Variants in PLOD2 observed in about 807,000 individuals in gnomAD.
PLOD2 encodes the protein lysine hydroxylase 2.
A neutral mutation model predicts 101.0 loss-of-function variants in PLOD2; 65 were observed. The ratio of observed to expected loss-of-function variants is 0.64; its 90% CI spans 0.53 to 0.79. PLOD2 has a LOEUF of 0.79. PLOD2 is among the 30% of genes least tolerant of loss of function. PLOD2 has a pLI of 0.00. For missense variants in PLOD2, 909 were observed against 914.6 expected (o/e 0.99, Z 0.08); for synonymous variants, 314 against 302.9 (o/e 1.04, Z -0.38).
chr3:146,160,782 TACTC>T (rs1576637698), intron 1 of PLOD2, 95 bp downstream of exon 1: 2 of 768,920 alleles, frequency 2.6e-6, no homozygotes, highest in African/African-American at 3.4e-5. Context: ...AGGCCCCCAC[TACTC>T]ACCTGGCCAG....
chr3:146,106,696 TG>T (rs756222998), intron 4 of PLOD2, 52 bp from the exon 5 acceptor site: 1 of 867,234 alleles, frequency 1.2e-6, no homozygotes, highest in Non-Finnish European at 2.0e-6. Flanking sequence ...AGACCAAAAC[TG>T]GTGTCATGTT....
rs142831806 is a variant in PLOD2 at position 146,151,480 on chromosome 3, A to G, written c.109+9401T>C. On this transcript the variant is annotated intron_variant, in intron 1 of 19. Transcript: ENST00000282903. ...CCATTGCACTCCAGCCTGGACAAGAAGAACGAAACTCCGTTTCAAAAAAAA... is the reference window on the plus strand; with the variant it reads ...CCATTGCACTCCAGCCTGGACAAGAGGAACGAAACTCCGTTTCAAAAAAAA... 4.0e-3 allele frequency among the ~76,000 whole-genome samples: 612 copies of G among 152,118 alleles called. 3 individuals are homozygous for G. Among genetic ancestry groups the G allele is most frequent in the African/African-American group, 0.014 (574 of 41,536 alleles).
At chr3:146,118,218 A>AC (rs1938008442) in intron 3 of PLOD2, among the ~76,000 whole-genome samples, 2 of 152,140 alleles carry the variant, frequency 1.3e-5, no homozygotes, top group Non-Finnish European at 2.9e-5. Flanking sequence ...GTGTAAAAAA[A>AC]ATAACAAATG....
Position 146,088,649 on chromosome 3 carries a change from A to C in PLOD2, c.942T>G (p.Phe314Leu). The C allele has an allele frequency of 6.2e-7, 1 of 1,605,922 alleles. No homozygotes were observed. Among genetic ancestry groups the C allele is most frequent in the Non-Finnish European group, 8.5e-7 (1 of 1,172,992 alleles). Residue 314 changes from phenylalanine to leucine, a missense_variant, in exon 9 of 20, where the codon TTT becomes TTG. Coordinates refer to ENST00000282903, the MANE Select transcript of PLOD2 (RefSeq NM_182943.3). Reference protein sequence around the residue: ...IEQPTPFLPRFLDILLTLDYP... With the variant: ...IEQPTPFLPRLLDILLTLDYP... ...AATCCAGTGTCAACAATATGTCCAG[A>C]AACCGAGGTAGAAAAGGGGTTGGTT...
At position 146,076,755 on chromosome 3, in the gene PLOD2, T is replaced by C. The variant is rs543580697; in HGVS notation, c.1677+27A>G. 5 of 1,058,774 alleles carry C rather than the reference T, an allele frequency of 4.7e-6. No individual in the cohort carries two copies. The African/African-American group carries it at 7.9e-5, about 17-fold the overall frequency. The allele number at this position is 1,058,774 out of a possible 1,614,324, so 65.6% of individuals were successfully genotyped here. A position where few individuals can be genotyped will look rare whatever the true frequency, so the allele number is the denominator to read the frequency against. On this transcript the variant is annotated intron_variant, in intron 15 of 19. Coordinates refer to ENST00000282903, the MANE Select transcript of PLOD2 (RefSeq NM_182943.3). The stretch of plus-strand genomic sequence containing the variant: ...ATAACCACTTACAGTTATAGAAAAA[T>C]AATAAAGTTGAGTATGAAATACATA...
chr3:146,129,370 C>A (rs2030770592), intron 1 of PLOD2, among the ~76,000 whole-genome samples: 1 of 152,128 alleles, frequency 6.6e-6, no homozygotes, highest in Non-Finnish European at 1.5e-5. Context: ...GCAAAAACAG[C>A]CAAGGGCCAG....
At chr3:146,131,867 G>A (rs989894287) in intron 1 of PLOD2, among the ~76,000 whole-genome samples, 4 of 151,400 alleles carry the variant, frequency 2.6e-5, no homozygotes, top group Non-Finnish European at 5.9e-5. Flanking sequence ...TTATTTTGCA[G>A]AACTGTTGAA....
At chr3:146,082,606 C>T (rs1056981319) in intron 11 of PLOD2, among the ~76,000 whole-genome samples, 1 of 151,920 alleles carries the variant, frequency 6.6e-6, no homozygotes, top group Non-Finnish European at 1.5e-5. Flanking sequence ...AATAAACACA[C>T]ATCGGGCCCG....
chr3:146,101,278 AG>A (rs756548794), intron 7 of PLOD2, among the ~76,000 whole-genome samples: 28 of 152,310 alleles, frequency 1.8e-4, no homozygotes, highest in Non-Finnish European at 3.1e-4. Context: ...GGAAAAGAAA[AG>A]GAAGAGGCCC....
intron 3 of PLOD2, among the ~76,000 whole-genome samples, chr3:146,117,980 A>G (rs2108084047): frequency 6.6e-6 from 1 of 152,178 alleles, no homozygotes; most frequent in East Asian, 1.9e-4. Flanking sequence ...GGTAGAGAAA[A>G]GTTCTTCCTA....
chr3:146,072,234 A>C lies in PLOD2; in HGVS notation c.1848+327T>G, dbSNP rs144294117. ...AGCTCACTGTGAAAACGCAAGGAAT[A>C]AAAAGTGGCCTTGGAAAAGAGTGAC... On this transcript the variant is annotated intron_variant, in intron 17 of 19. Coordinates refer to ENST00000282903, the MANE Select transcript of PLOD2 (RefSeq NM_182943.3). 1.1e-3 allele frequency among the ~76,000 whole-genome samples: 160 copies of C among 150,140 alleles called. 1 individual carries two copies. Among genetic ancestry groups the C allele is most frequent in the African/African-American group, 3.7e-3 (150 of 40,816 alleles).
intron 1 of PLOD2, among the ~76,000 whole-genome samples, chr3:146,130,378 T>A (rs1449451): frequency 0.51 from 77,858 of 151,974 alleles, 20,109 homozygotes; most frequent in African/African-American, 0.58. Flanking sequence ...TGTAATTACA[T>A]ATTAATTTGC....
chr3:146,074,425 A>C (rs1936258709), intron 15 of PLOD2, among the ~76,000 whole-genome samples: 2 of 151,496 alleles, frequency 1.3e-5, no homozygotes, highest in South Asian at 4.1e-4. Context: ...GGGGCTGAAT[A>C]TTTATACCAT....
At chr3:146,075,999 T>G (rs1936319420) in intron 15 of PLOD2, 1 of 151,694 alleles carries the variant, frequency 6.6e-6, no homozygotes, top group Non-Finnish European at 1.5e-5. Flanking sequence ...TACAAGTGTA[T>G]AATGCATGAT....
intron 1 of PLOD2, among the ~76,000 whole-genome samples, chr3:146,157,504 C>T (rs1421205908): frequency 1.3e-5 from 2 of 152,146 alleles, no homozygotes; most frequent in African/African-American, 2.4e-5. Context: ...GCTATTCATG[C>T]ACATATCTAG....
intron 1 of PLOD2, among the ~76,000 whole-genome samples, chr3:146,159,181 T>G (rs2032447457): frequency 6.6e-6 from 1 of 152,220 alleles, no homozygotes; most frequent in South Asian, 2.1e-4. Flanking sequence ...AACCGAATTC[T>G]CCATGCCTGC....
At chr3:146,134,366 A>G (rs1406030138) in intron 1 of PLOD2, among the ~76,000 whole-genome samples, 1 of 152,244 alleles carries the variant, frequency 6.6e-6, no homozygotes, top group African/African-American at 2.4e-5. Context: ...TTCAAATGTT[A>G]TAAAAATGTA....
chr3:146,148,507 C>G (rs1354494567), intron 1 of PLOD2, among the ~76,000 whole-genome samples: 1 of 152,152 alleles, frequency 6.6e-6, no homozygotes, highest in African/African-American at 2.4e-5. Flanking sequence ...TTAGAGGTCT[C>G]TAGTCTCCTT....
chr3:146,124,295 A>G, intron 1 of PLOD2, 66 bp from the exon 2 acceptor site: 1 of 876,560 alleles, frequency 1.1e-6, no homozygotes, highest in East Asian at 2.5e-5. Flanking sequence ...TTTACAACTC[A>G]CTACAGTAAT....
Sources: gnomAD v4.1 joint callset for allele counts (sites outside exome capture counted in the v4.1 genomes callset) on GRCh38, gnomAD v4.1.1 for gene constraint, MANE v1.5 for transcripts, NCBI Gene and HGNC (gene_info 2026-07-23, HGNC 2026-07-21) for gene names.